The following DCC variants were observed in gnomAD, a reference collection of about 807,000 sequenced individuals.
DCC encodes DCC netrin 1 receptor.
DCC carries 58 observed loss-of-function variants against 172.5 expected under a neutral mutation model. The observed-to-expected ratio is 0.34, with a 90% confidence interval of 0.27 to 0.42. DCC has a LOEUF of 0.42. Ranked by LOEUF, DCC falls within the 10% of genes least tolerant of loss-of-function variation. The pLI, the probability that DCC is intolerant of heterozygous loss-of-function variation, is 1.00. For missense variants in DCC, 1,740 were observed against 1,791.0 expected (o/e 0.97, Z 0.51); for synonymous variants, 709 against 644.5 (o/e 1.10, Z -1.52).
At chr18:52,932,363 G>T (rs1234375190) in intron 5 of DCC, among the ~76,000 whole-genome samples, 2 of 152,004 alleles carry the variant, frequency 1.3e-5, no homozygotes, top group Non-Finnish European at 2.9e-5. Flanking sequence ...CACTGCTTTG[G>T]GTCTAGATTG....
At chr18:52,558,263 AACATTTATTATGATAAT>A (rs1170621185) in intron 1 of DCC, among the ~76,000 whole-genome samples, 9 of 151,738 alleles carry the variant, frequency 5.9e-5, no homozygotes, top group Non-Finnish European at 1.3e-4. Context: ...ACTATTAATT[AACATTTATTATGATAAT>A]ACATTTATTA....
At chr18:52,759,570 A>T (rs2037127412) in intron 2 of DCC, among the ~76,000 whole-genome samples, 1 of 152,198 alleles carries the variant, frequency 6.6e-6, no homozygotes, top group African/African-American at 2.4e-5. Flanking sequence ...CTGGTACTGT[A>T]ATGAAAATGC....
chr18:53,177,534 C>T (rs1209937666), intron 8 of DCC, among the ~76,000 whole-genome samples: 4 of 152,070 alleles, frequency 2.6e-5, no homozygotes, highest in Non-Finnish European at 5.9e-5. Context: ...AGGGATGTTA[C>T]TGATTGTCAG....
intron 1 of DCC, among the ~76,000 whole-genome samples, chr18:52,446,584 C>T (rs2144506786): frequency 6.6e-6 from 1 of 152,326 alleles, no homozygotes; most frequent in East Asian, 1.9e-4. Context: ...TATAGGGCTT[C>T]ATCATGTGAG....
intron 1 of DCC, among the ~76,000 whole-genome samples, chr18:52,423,475 A>C (rs1268104348): frequency 6.6e-6 from 1 of 152,048 alleles, no homozygotes; most frequent in African/African-American, 2.4e-5. Flanking sequence ...CCTCTTGACT[A>C]CACAGGCTTT....
intron 2 of DCC, among the ~76,000 whole-genome samples, chr18:52,822,028 G>T (rs1215147062): frequency 6.6e-6 from 1 of 152,130 alleles, no homozygotes. Flanking sequence ...TTTGGTAATT[G>T]GGCTTTAGAA....
At chr18:52,652,102 C>T (rs192687681) in intron 1 of DCC, among the ~76,000 whole-genome samples, 4 of 152,284 alleles carry the variant, frequency 2.6e-5, no homozygotes, top group South Asian at 4.1e-4. Flanking sequence ...AAGAACTAGG[C>T]GGTCTTGACA....
chr18:53,008,030 C>T (rs2041671236), intron 5 of DCC, among the ~76,000 whole-genome samples: 1 of 152,072 alleles, frequency 6.6e-6, no homozygotes, highest in Non-Finnish European at 1.5e-5. Context: ...TTTTACTATT[C>T]CAAGATTGAA....
At chr18:53,115,681 G>A (rs1234061123) in intron 7 of DCC, among the ~76,000 whole-genome samples, 3 of 151,562 alleles carry the variant, frequency 2.0e-5, no homozygotes. Context: ...ATAAAAGTAA[G>A]AGATATTCTT....
At chr18:53,012,190 A>G (rs2041740104) in intron 5 of DCC, among the ~76,000 whole-genome samples, 1 of 151,988 alleles carries the variant, frequency 6.6e-6, no homozygotes, top group Non-Finnish European at 1.5e-5. Flanking sequence ...TTCTAGGTAT[A>G]TATCCTAGAG....
intron 24 of DCC, among the ~76,000 whole-genome samples, chr18:53,460,734 T>C (rs1248659259): frequency 2.0e-5 from 3 of 152,180 alleles, no homozygotes; most frequent in African/African-American, 7.2e-5. Flanking sequence ...AATGCCTCAA[T>C]AAACATACGT....
intron 1 of DCC, among the ~76,000 whole-genome samples, chr18:52,660,984 C>A (rs192810695): frequency 6.6e-6 from 1 of 152,106 alleles, no homozygotes; most frequent in African/African-American, 2.4e-5. Flanking sequence ...TACTTCTATA[C>A]CCTCGATGCC....
intron 22 of DCC, among the ~76,000 whole-genome samples, chr18:53,442,038 G>T (rs1912309847): frequency 6.6e-6 from 1 of 152,180 alleles, no homozygotes; most frequent in African/African-American, 2.4e-5. Flanking sequence ...GCTTCAGCCT[G>T]TTGCTTTCAT....
chr18:53,499,161 C>A, intron 26 of DCC, 137 bp from the exon 27 acceptor site: 1 of 820,328 alleles, frequency 1.2e-6, no homozygotes, highest in Non-Finnish European at 2.1e-6. Context: ...AGACGAATGA[C>A]AATGTTCATA....
intron 1 of DCC, among the ~76,000 whole-genome samples, chr18:52,537,200 T>C (rs1031085473): frequency 2.6e-5 from 4 of 152,250 alleles, no homozygotes; most frequent in Non-Finnish European, 4.4e-5. Context: ...CTGAAAACAA[T>C]AAGTTGCTGT....
At chr18:52,493,107 A>G (rs1386038682) in intron 1 of DCC, among the ~76,000 whole-genome samples, 1 of 152,102 alleles carries the variant, frequency 6.6e-6, no homozygotes, top group Non-Finnish European at 1.5e-5. Flanking sequence ...ATGGCCAAGG[A>G]AAGTATGACT....
chr18:52,445,649 A>C (rs1212725149), intron 1 of DCC, among the ~76,000 whole-genome samples: 2 of 152,176 alleles, frequency 1.3e-5, no homozygotes, highest in African/African-American at 4.8e-5. Flanking sequence ...ACGAATTTTG[A>C]ATATGTAAGC....
intron 1 of DCC, among the ~76,000 whole-genome samples, chr18:52,374,059 T>C (rs777569990): frequency 1.3e-5 from 2 of 151,932 alleles, no homozygotes; most frequent in African/African-American, 4.8e-5. Context: ...GCCTGGATTT[T>C]TTTTTTGTGT....
At chr18:53,157,588 G>A in intron 8 of DCC, 76 bp downstream of exon 8, 1 of 1,488,122 alleles carries the variant, frequency 6.7e-7, no homozygotes. Flanking sequence ...ATGGCAGGAG[G>A]AGATCTTGGG....
Sources: allele counts gnomAD v4.1 joint callset (sites outside exome capture counted in the v4.1 genomes callset), GRCh38; gene constraint gnomAD v4.1.1; transcripts MANE v1.5; gene names NCBI Gene and HGNC (gene_info 2026-07-23, HGNC 2026-07-21).